LUZP2: variants seen among roughly 807,000 people sequenced by gnomAD.
LUZP2 encodes the protein leucine zipper protein 2.
LUZP2 carries 52 observed loss-of-function variants against 51.6 expected under a neutral mutation model. The observed-to-expected ratio is 1.01, with a 90% CI of 0.81 to 1.27. The LOEUF is 1.27. Among genes scored for constraint, LUZP2 ranks in the 50% most tolerant of loss-of-function variants. The probability of loss-of-function intolerance (pLI) is 0.00; values close to 1 mark genes in which losing one functional copy is unlikely to be tolerated. For missense variants in LUZP2, 436 were observed against 395.4 expected (o/e 1.10, Z -0.87); for synonymous variants, 154 against 137.3 (o/e 1.12, Z -0.85).
intron 1 of LUZP2, among the ~76,000 whole-genome samples, chr11:24,652,921 T>G (rs1457664771): frequency 1.3e-5 from 2 of 152,126 alleles, no homozygotes; most frequent in African/African-American, 4.8e-5. Flanking sequence ...TATCAAAATT[T>G]AAGTAACCTT....
chr11:24,824,665 T>A (rs1850471594), intron 5 of LUZP2, among the ~76,000 whole-genome samples: 1 of 151,922 alleles, frequency 6.6e-6, no homozygotes, highest in African/African-American at 2.4e-5. Context: ...ATTCCCCCAA[T>A]AAAGCCCTAC....
At chr11:24,678,966 T>TTA (rs1356021534) in intron 1 of LUZP2, among the ~76,000 whole-genome samples, 1 of 152,242 alleles carries the variant, frequency 6.6e-6, no homozygotes, top group African/African-American at 2.4e-5. Context: ...TTAGACTAAG[T>TTA]GTTATGTCCT....
intron 10 of LUZP2, among the ~76,000 whole-genome samples, chr11:25,060,184 C>G (rs1858797153): frequency 6.6e-6 from 1 of 152,088 alleles, no homozygotes; most frequent in Non-Finnish European, 1.5e-5. Flanking sequence ...TAACAAAACA[C>G]CATAGACTGG....
At chr11:25,042,991 GA>G (rs1166607858) in intron 9 of LUZP2, among the ~76,000 whole-genome samples, 1 of 152,154 alleles carries the variant, frequency 6.6e-6, no homozygotes, top group Non-Finnish European at 1.5e-5. Context: ...TGATCTGGTA[GA>G]ATTAGTGTTA....
At chr11:24,594,931 T>G (rs2133849743) in intron 1 of LUZP2, among the ~76,000 whole-genome samples, 1 of 151,808 alleles carries the variant, frequency 6.6e-6, no homozygotes, top group African/African-American at 2.4e-5. Context: ...GGCTAATTTT[T>G]TTGTATTTTT....
intron 5 of LUZP2, among the ~76,000 whole-genome samples, chr11:24,834,217 G>T (rs992899832): frequency 6.6e-6 from 1 of 152,050 alleles, no homozygotes; most frequent in Non-Finnish European, 1.5e-5. Flanking sequence ...CATGCATTAG[G>T]TATTTGTCCT....
At chr11:24,650,527 G>T (rs754384488) in intron 1 of LUZP2, among the ~76,000 whole-genome samples, 12 of 151,922 alleles carry the variant, frequency 7.9e-5, no homozygotes, top group Admixed American at 2.0e-4. Flanking sequence ...GATCTTCTGT[G>T]GCACAAAATT....
intron 1 of LUZP2, among the ~76,000 whole-genome samples, chr11:24,639,132 C>T (rs1325873488): frequency 1.3e-5 from 2 of 151,680 alleles, no homozygotes; most frequent in Admixed American, 1.3e-4. Flanking sequence ...AATTAATTTT[C>T]AATCATGTCA....
Position 24,808,198 on chromosome 11 carries a change from A to G in LUZP2, c.396+44890A>G, listed in dbSNP as rs144025778. Among the ~76,000 whole-genome samples, 46 of 152,340 alleles carry G rather than the reference A, an allele frequency of 3.0e-4. No individual in the cohort carries two copies. The East Asian group carries it at 7.7e-3, about 26-fold the overall frequency. ...TAATTTAAATAATTAATGTAAGCGG[A>G]TGATAACAACATAGGTGCTAGCATC... On this transcript the variant is annotated intron_variant, in intron 5 of 11. Coordinates refer to ENST00000336930, the MANE Select transcript of LUZP2 (RefSeq NM_001009909.4).
chr11:24,975,078 T>A (rs1432062248), intron 7 of LUZP2, among the ~76,000 whole-genome samples: 2 of 151,978 alleles, frequency 1.3e-5, no homozygotes, highest in African/African-American at 4.8e-5. Context: ...AATATGTTGA[T>A]TAATATAACC....
chr11:24,962,411 G>A lies in LUZP2; in HGVS notation c.523-14180G>A, dbSNP rs954115123. On this transcript the variant is annotated intron_variant, in intron 7 of 11. Transcript: ENST00000336930. ...TCACTTTCAGGTACACCAATCAGAC[G>A]TAGATTTGGTTTTTTCACATAGTCC... is the stretch of plus-strand genomic sequence containing the variant. Among the ~76,000 whole-genome samples, 4 of 152,140 alleles carry A rather than the reference G, an allele frequency of 2.6e-5. No individual in the cohort carries two copies. In the South Asian group the frequency reaches 6.2e-4, roughly 24 times the overall value.
intron 5 of LUZP2, among the ~76,000 whole-genome samples, chr11:24,904,477 GT>G (rs1325661276): frequency 6.6e-6 from 1 of 151,868 alleles, no homozygotes; most frequent in East Asian, 1.9e-4. Context: ...TAGAGACGGG[GT>G]TTCACTGTGT....
chr11:24,910,292 A>C (rs1353283843), intron 6 of LUZP2, among the ~76,000 whole-genome samples: 1 of 152,234 alleles, frequency 6.6e-6, no homozygotes, highest in Non-Finnish European at 1.5e-5. Flanking sequence ...AATTCAAGCC[A>C]AAGGCAGAAA....
At chr11:24,940,822 A>G (rs1854725647) in intron 7 of LUZP2, among the ~76,000 whole-genome samples, 1 of 152,090 alleles carries the variant, frequency 6.6e-6, no homozygotes, top group South Asian at 2.1e-4. Context: ...CTATTTTCCC[A>G]ACTGCAAAAT....
At chr11:24,702,341 C>T (rs1445525314) in intron 1 of LUZP2, among the ~76,000 whole-genome samples, 1 of 151,434 alleles carries the variant, frequency 6.6e-6, no homozygotes, top group African/African-American at 2.4e-5. Context: ...TGATCCTCGA[C>T]ATAACCAATA....
intron 1 of LUZP2, among the ~76,000 whole-genome samples, chr11:24,644,329 T>A (rs1318058067): frequency 6.6e-6 from 1 of 152,140 alleles, no homozygotes; most frequent in African/African-American, 2.4e-5. Flanking sequence ...AAGAACAGCA[T>A]GAGGGAGAGT....
chr11:24,636,600 T>C (rs1455553078), intron 1 of LUZP2, among the ~76,000 whole-genome samples: 1 of 152,186 alleles, frequency 6.6e-6, no homozygotes, highest in Non-Finnish European at 1.5e-5. Context: ...CCTTAGTTGA[T>C]TTACACACGT....
intron 5 of LUZP2, among the ~76,000 whole-genome samples, chr11:24,770,170 G>A (rs1445692396): frequency 1.3e-5 from 2 of 152,088 alleles, no homozygotes; most frequent in East Asian, 3.9e-4. Context: ...TAATTTTCTT[G>A]AATTTTAATT....
chr11:24,501,740 C>T (rs1000749875), intron 1 of LUZP2, among the ~76,000 whole-genome samples: 1 of 152,012 alleles, frequency 6.6e-6, no homozygotes, highest in South Asian at 2.1e-4. Context: ...ATTACATGCA[C>T]CATCAGGGCA....
Sources: gnomAD v4.1 joint callset for allele counts (sites outside exome capture counted in the v4.1 genomes callset) on GRCh38, gnomAD v4.1.1 for gene constraint, MANE v1.5 for transcripts, NCBI Gene and HGNC (gene_info 2026-07-23, HGNC 2026-07-21) for gene names.